RGS6: variants seen among roughly 807,000 people sequenced by gnomAD.
RGS6 encodes regulator of G protein signaling 6.
In RGS6, 30 loss-of-function variants were observed where a neutral mutation model predicts 78.5. The ratio of observed to expected loss-of-function variants is 0.38; its 90% CI spans 0.29 to 0.52. The LOEUF (loss-of-function observed/expected upper bound fraction) is 0.52, where lower values mean the gene tolerates loss of function less well. RGS6 is among the 20% of genes least tolerant of loss of function. The pLI is 0.85. For missense variants in RGS6, 495 were observed against 609.7 expected, an observed-to-expected ratio of 0.81 and a Z score of 1.98; for synonymous variants, 206 against 206.0, an observed-to-expected ratio of 1.00 and a Z score of 0.00.
the RGS6 span, among the ~76,000 whole-genome samples, chr14:72,591,028 T>C: frequency 6.6e-6 from 1 of 152,104 alleles, no homozygotes; most frequent in Non-Finnish European, 1.5e-5. Context: ...GCATGGTGTA[T>C]GGGTACCAGT....
At chr14:72,383,260 T>C (rs1228127164) in intron 3 of RGS6, among the ~76,000 whole-genome samples, 5 of 142,442 alleles carry the variant, frequency 3.5e-5, no homozygotes, top group South Asian at 4.5e-4. Context: ...GGGAGAAAGA[T>C]TGATTTTAAA....
At chr14:71,916,764 C>T in the RGS6 span, among the ~76,000 whole-genome samples, 80 of 152,192 alleles carry the variant, frequency 5.3e-4, no homozygotes, top group Non-Finnish European at 9.4e-4. Flanking sequence ...TGGTCCGTGT[C>T]GGGGTCAGCA....
At chr14:72,516,862 A>C (rs1446004316) in intron 14 of RGS6, 1 of 152,262 alleles carries the variant, frequency 6.6e-6, no homozygotes, top group Admixed American at 6.5e-5. Flanking sequence ...ATCTGATGGA[A>C]GTCATGAAGC....
At chr14:72,084,306 A>T (rs908106848) in intron 2 of RGS6, among the ~76,000 whole-genome samples, 1 of 152,312 alleles carries the variant, frequency 6.6e-6, no homozygotes, top group East Asian at 1.9e-4. Context: ...GGTGAGGCTC[A>T]GGTGGTAATG....
At chr14:72,072,528 C>G (rs770083117) in intron 2 of RGS6, among the ~76,000 whole-genome samples, 3 of 151,538 alleles carry the variant, frequency 2.0e-5, no homozygotes, top group Admixed American at 2.0e-4. Context: ...AGGATGGTGT[C>G]GATCTCCTGA....
At chr14:71,904,416 G>A in the RGS6 span, among the ~76,000 whole-genome samples, 1 of 152,200 alleles carries the variant, frequency 6.6e-6, no homozygotes, top group African/African-American at 2.4e-5. Flanking sequence ...GGAAAGGGGA[G>A]TTCTCTTTTC....
intron 1 of RGS6, among the ~76,000 whole-genome samples, chr14:71,947,511 G>T (rs1249025190): frequency 1.3e-5 from 2 of 152,086 alleles, no homozygotes; most frequent in Non-Finnish European, 2.9e-5. Flanking sequence ...TCGAGACAGG[G>T]TCTCACTCTG....
chr14:72,043,268 T>C (rs1403196464), intron 2 of RGS6, among the ~76,000 whole-genome samples: 1 of 152,160 alleles, frequency 6.6e-6, no homozygotes, highest in African/African-American at 2.4e-5. Flanking sequence ...CAACTTTCTT[T>C]AGTAACTTTT....
chr14:72,403,855 T>C (rs2092686391), intron 3 of RGS6, among the ~76,000 whole-genome samples: 1 of 152,196 alleles, frequency 6.6e-6, no homozygotes, highest in Non-Finnish European at 1.5e-5. Flanking sequence ...GAATCTTACC[T>C]GAGAGTGCTG....
rs370778158 is a variant in RGS6 at position 72,237,990 on chromosome 14, A to G, written c.85-114105A>G. Among the ~76,000 whole-genome samples the G allele has an allele frequency of 2.7e-4, 41 of 152,246 alleles. No individual in the cohort carries two copies. The East Asian group carries it at 7.5e-3, about 28-fold the overall frequency. ...CTGGCTTCCTGTCTGGTGTCCAGGA[A>G]GAATCAGGTCACATAGGCTTGAAGG... On this transcript the variant is annotated intron_variant, in intron 2 of 17. Coordinates refer to ENST00000553525, the MANE Select transcript of RGS6 (RefSeq NM_001204424.2).
At chr14:72,234,705 C>T (rs1051906732) in intron 2 of RGS6, among the ~76,000 whole-genome samples, 2 of 152,016 alleles carry the variant, frequency 1.3e-5, no homozygotes, top group Admixed American at 1.3e-4. Context: ...CTTGCAGTGC[C>T]TCTAACACTG....
intron 13 of RGS6, among the ~76,000 whole-genome samples, chr14:72,499,712 C>T (rs967548561): frequency 6.6e-6 from 1 of 151,670 alleles, no homozygotes; most frequent in African/African-American, 2.4e-5. Flanking sequence ...TGGGCTTTTG[C>T]CTGTTCCCTC....
chr14:72,302,386 T>C (rs2066267012), intron 2 of RGS6, among the ~76,000 whole-genome samples: 1 of 152,218 alleles, frequency 6.6e-6, no homozygotes, highest in South Asian at 2.1e-4. Flanking sequence ...AGAGCATCAC[T>C]ATATAAATTC....
chr14:72,283,024 A>G (rs902524440), intron 2 of RGS6, among the ~76,000 whole-genome samples: 3 of 152,186 alleles, frequency 2.0e-5, no homozygotes, highest in Non-Finnish European at 4.4e-5. Context: ...GTGACCATGT[A>G]GTATTTGTCC....
At chr14:72,553,862 CAG>C (rs895358677) in intron 17 of RGS6, among the ~76,000 whole-genome samples, 2 of 152,206 alleles carry the variant, frequency 1.3e-5, no homozygotes, top group East Asian at 1.9e-4. Context: ...ACTACACCAT[CAG>C]GGGAGAAAAA....
chr14:72,542,259 G>A (rs75614556), intron 17 of RGS6, among the ~76,000 whole-genome samples: 3,785 of 152,296 alleles, frequency 0.025, 79 homozygotes, highest in East Asian at 0.091. Flanking sequence ...CCCACAAGAT[G>A]TGGCTAAGTT....
chr14:72,499,440 T>A (rs185654556), intron 13 of RGS6, among the ~76,000 whole-genome samples: 1 of 152,280 alleles, frequency 6.6e-6, no homozygotes, highest in African/African-American at 2.4e-5. Flanking sequence ...CCACTTCCAA[T>A]CCTGCTGCTC....
intron 2 of RGS6, among the ~76,000 whole-genome samples, chr14:72,203,219 T>C (rs1599425659): frequency 1.3e-5 from 2 of 152,226 alleles, no homozygotes; most frequent in Admixed American, 6.5e-5. Context: ...TCCGTCACTT[T>C]ATGTATTGTC....
chr14:72,071,042 T>C lies in RGS6; in HGVS notation c.84+106167T>C, dbSNP rs566296096. 1.9e-3 allele frequency among the ~76,000 whole-genome samples: 295 copies of C among 152,258 alleles called. 5 individuals are homozygous for C. Among genetic ancestry groups the C allele is most frequent in the Non-Finnish European group, 2.1e-3 (145 of 68,020 alleles). Reference sequence around the variant, plus strand: ...GTAGGTCAGGGTAAATTACCAGATATATTGGACCAGCTGGATGTAGTCGCC... The same window carrying C: ...GTAGGTCAGGGTAAATTACCAGATACATTGGACCAGCTGGATGTAGTCGCC... On this transcript the variant is annotated intron_variant, in intron 2 of 17. Coordinates refer to ENST00000553525, the MANE Select transcript of RGS6 (RefSeq NM_001204424.2).
Sources: allele counts gnomAD v4.1 joint callset (sites outside exome capture counted in the v4.1 genomes callset), GRCh38; gene constraint gnomAD v4.1.1; transcripts MANE v1.5; gene names NCBI Gene and HGNC (gene_info 2026-07-23, HGNC 2026-07-21).